RPA3: variants seen among roughly 807,000 people sequenced by gnomAD.
RPA3 encodes the protein replication protein A 14 kDa subunit.
In RPA3, 24 loss-of-function variants were observed where a neutral mutation model predicts 13.7. That is an observed-to-expected ratio of 1.75 (90% CI 1.27 to 2.46). The LOEUF (loss-of-function observed/expected upper bound fraction) is 2.46, where lower values mean the gene tolerates loss of function less well. Ranked by LOEUF, RPA3 falls within the 30% of genes most tolerant of loss-of-function variation. The probability of loss-of-function intolerance (pLI) is 0.00; values close to 1 mark genes in which losing one functional copy is unlikely to be tolerated. For missense variants in RPA3, 183 were observed against 151.0 expected, an observed-to-expected ratio of 1.21 and a Z score of -1.11; for synonymous variants, 59 against 51.2, an observed-to-expected ratio of 1.15 and a Z score of -0.65.
At chr7:7,716,462 T>G in intron 1 of RPA3, among the ~76,000 whole-genome samples, 1 of 152,198 alleles carries the variant, frequency 6.6e-6, no homozygotes, top group East Asian at 1.9e-4. Flanking sequence ...CAGACATAGA[T>G]AAGCAAGCTG....
intron 2 of RPA3, among the ~76,000 whole-genome samples, chr7:7,690,170 G>T (rs1249228766): frequency 6.6e-6 from 1 of 152,158 alleles, no homozygotes; most frequent in African/African-American, 2.4e-5. Flanking sequence ...CAATTCTGCT[G>T]ATGATAATGT....
At chr7:7,692,020 A>G (rs1780184138) in intron 2 of RPA3, among the ~76,000 whole-genome samples, 1 of 152,198 alleles carries the variant, frequency 6.6e-6, no homozygotes, top group African/African-American at 2.4e-5. Context: ...ATTGAGAAAA[A>G]ACTAAGCTTC....
intron 1 of RPA3, among the ~76,000 whole-genome samples, chr7:7,716,816 G>A (rs868709856): frequency 6.6e-6 from 1 of 152,068 alleles, no homozygotes; most frequent in African/African-American, 2.4e-5. Context: ...CATGGTGGCG[G>A]GCGCCCATAA....
chr7:7,644,410 T>G (rs1270635534), intron 4 of RPA3, among the ~76,000 whole-genome samples: 1 of 151,920 alleles, frequency 6.6e-6, no homozygotes, highest in African/African-American at 2.4e-5. Flanking sequence ...TTTTCCCCCT[T>G]AAGTTTAATG....
At chr7:7,665,534 A>C (rs1287981949) in intron 4 of RPA3, among the ~76,000 whole-genome samples, 2 of 152,236 alleles carry the variant, frequency 1.3e-5, no homozygotes, top group Non-Finnish European at 2.9e-5. Context: ...AACTTTATTG[A>C]GATTGGATCA....
chr7:7,651,735 T>C (rs1785227309), intron 4 of RPA3, among the ~76,000 whole-genome samples: 1 of 152,210 alleles, frequency 6.6e-6, no homozygotes, highest in African/African-American at 2.4e-5. Flanking sequence ...CTAACAGGCA[T>C]TCATCATATG....
chr7:7,712,468 T>G (rs530622527), intron 2 of RPA3, among the ~76,000 whole-genome samples: 2 of 152,320 alleles, frequency 1.3e-5, no homozygotes, highest in East Asian at 1.9e-4. Flanking sequence ...TGTTTTATTA[T>G]TATAGTAAAT....
chr7:7,718,129 A>T (rs1780963967), intron 1 of RPA3, among the ~76,000 whole-genome samples: 1 of 152,202 alleles, frequency 6.6e-6, no homozygotes, highest in African/African-American at 2.4e-5. Context: ...TAGATCAGAT[A>T]AGAAAGTAAA....
At chr7:7,702,530 A>C (rs528145927) in intron 2 of RPA3, among the ~76,000 whole-genome samples, 31 of 152,134 alleles carry the variant, frequency 2.0e-4, no homozygotes, top group Non-Finnish European at 4.4e-4. Flanking sequence ...AATACTTGAA[A>C]TAGCTATTTT....
intron 4 of RPA3, among the ~76,000 whole-genome samples, chr7:7,664,451 T>C (rs1779385205): frequency 6.6e-6 from 1 of 152,218 alleles, no homozygotes; most frequent in South Asian, 2.1e-4. Context: ...ACTCTGAATA[T>C]GCTGACACTT....
chr7:7,648,408 G>A (rs1044894340), intron 4 of RPA3, among the ~76,000 whole-genome samples: 3 of 152,114 alleles, frequency 2.0e-5, no homozygotes, highest in African/African-American at 2.4e-5. Context: ...TTCCAGGTGT[G>A]TCTGTCTTGT....
At chr7:7,692,924 AT>A (rs1780209550) in intron 2 of RPA3, among the ~76,000 whole-genome samples, 1 of 152,204 alleles carries the variant, frequency 6.6e-6, no homozygotes, top group Non-Finnish European at 1.5e-5. Flanking sequence ...GGCTTTTAAA[AT>A]GGTATATTTC....
At chr7:7,695,567 C>T (rs1390674780) in intron 2 of RPA3, among the ~76,000 whole-genome samples, 1 of 152,144 alleles carries the variant, frequency 6.6e-6, no homozygotes, top group Non-Finnish European at 1.5e-5. Context: ...TCAAGCTTTT[C>T]ATGTTCTTTG....
rs777369106 is a variant in RPA3 at position 7,636,976 on chromosome 7, C to A, written c.*24G>T. 6 of 1,530,194 alleles carry A rather than the reference C, an allele frequency of 3.9e-6. No individual in the cohort carries two copies. The highest frequency in any genetic ancestry group is 3.4e-5 in the Admixed American group (2 of 59,626). 94.8% of individuals were successfully genotyped at this position (1,530,194 alleles called of 1,614,324 possible). Reference sequence around the variant, plus strand: ...AATAGACTTTAATATAGCTCATTTACAATCGTATGAAAATCCATCAAGATC... The same window carrying A: ...AATAGACTTTAATATAGCTCATTTAAAATCGTATGAAAATCCATCAAGATC... On this transcript the variant is annotated 3_prime_UTR_variant, in exon 8 of 8. Transcript: ENST00000223129.
chr7:7,637,149 G>T, intron 7 of RPA3, 67 bp from the exon 8 acceptor site: 1 of 1,131,068 alleles, frequency 8.8e-7, no homozygotes, highest in Non-Finnish European at 1.3e-6. Context: ...TATTATCTAA[G>T]ATATTTTTAC....
chr7:7,673,310 T>TAGCAGCAGC, intron 4 of RPA3: 12,814 of 1,033,722 alleles, frequency 0.012, 113 homozygotes, highest in African/African-American at 0.029. Context: ...CTATTTCAGG[T>TAGCAGCAGC]AGCAGCAGCA....
chr7:7,661,391 C>T lies in RPA3; in HGVS notation c.-757-20216G>A, dbSNP rs1038280399. On this transcript the variant is annotated intron_variant, in intron 4 of 7. Coordinates refer to ENST00000223129, the MANE Select transcript of RPA3 (RefSeq NM_002947.5). ...GATCCTTTGGAGGAGAAGGGGCATTCTGGTTTTTGGAATTTTCCGCCTTTT... is the reference window on the plus strand; with the variant it reads ...GATCCTTTGGAGGAGAAGGGGCATTTTGGTTTTTGGAATTTTCCGCCTTTT... Among the ~76,000 whole-genome samples, 7 of 152,248 alleles carry T rather than the reference C, an allele frequency of 4.6e-5. No individual in the cohort carries two copies. The East Asian group carries it at 1.4e-3, about 29-fold the overall frequency.
intron 4 of RPA3, among the ~76,000 whole-genome samples, chr7:7,647,347 T>C (rs912374142): frequency 5.9e-5 from 9 of 152,238 alleles, no homozygotes; most frequent in African/African-American, 2.2e-4. Context: ...TGTCTAATTC[T>C]TTGCAATTAT....
chr7:7,681,219 T>C (rs1779904042), intron 4 of RPA3, among the ~76,000 whole-genome samples: 2 of 152,186 alleles, frequency 1.3e-5, no homozygotes, highest in Admixed American at 1.3e-4. Flanking sequence ...TTGTTTAAGC[T>C]ATAAATTATC....
Sources: allele counts gnomAD v4.1 joint callset (sites outside exome capture counted in the v4.1 genomes callset), GRCh38; gene constraint gnomAD v4.1.1; transcripts MANE v1.5; gene names NCBI Gene and HGNC (gene_info 2026-07-23, HGNC 2026-07-21).